The following CAMTA1 variants were observed in gnomAD, a reference collection of about 807,000 sequenced individuals.
CAMTA1 encodes the protein calmodulin-binding transcription activator 1.
CAMTA1 carries 27 observed loss-of-function variants against 170.9 expected under a neutral mutation model. The ratio of observed to expected loss-of-function variants is 0.16; its 90% CI spans 0.12 to 0.22. The LOEUF (loss-of-function observed/expected upper bound fraction) is 0.22, where lower values mean the gene tolerates loss of function less well. Among genes scored for constraint, CAMTA1 ranks in the 10% least tolerant of loss-of-function variants. The pLI, the probability that CAMTA1 is intolerant of heterozygous loss-of-function variation, is 1.00. For missense variants in CAMTA1, 1,619 were observed against 2,217.2 expected, an observed-to-expected ratio of 0.73 and a Z score of 5.42; for synonymous variants, 833 against 891.5, an observed-to-expected ratio of 0.93 and a Z score of 1.17.
chr1:6,828,673 GCAAGGTGGGTAA>G (rs1648305604), intron 3 of CAMTA1, among the ~76,000 whole-genome samples: 1 of 151,978 alleles, frequency 6.6e-6, no homozygotes, highest in African/African-American at 2.4e-5. Context: ...AAATAGTATT[GCAAGGTGGGTAA>G]CATTTCCTTT....
chr1:7,189,865 G>T (rs892678626), intron 4 of CAMTA1, among the ~76,000 whole-genome samples: 1 of 152,214 alleles, frequency 6.6e-6, no homozygotes, highest in Non-Finnish European at 1.5e-5. Flanking sequence ...AATGCAAAAA[G>T]GTGGAACCAA....
At chr1:7,756,951 A>G (rs769505229) in intron 22 of CAMTA1, among the ~76,000 whole-genome samples, 2 of 152,260 alleles carry the variant, frequency 1.3e-5, no homozygotes, top group Non-Finnish European at 2.9e-5. Flanking sequence ...TGTTTCTTAT[A>G]TATAATCTTA....
Position 7,664,152 on chromosome 1 carries a change from G to T in CAMTA1, c.1605G>T (p.Glu535Asp). ...TCCTCACCAAGGAGATCAAGACCGA[G>T]GACACCTCCTTCGAGCAGCAGATGG... Reference protein sequence around the residue: ...TTVLTKEIKTEDTSFEQQMAK... With the variant: ...TTVLTKEIKTDDTSFEQQMAK... The change falls in exon 9 of 23, where the codon GAG (glutamate) becomes GAT (aspartate). Residue 535 changes from glutamate to aspartate, a missense_variant. By Grantham distance (45) the Glu-to-Asp change is conservative (BLOSUM62 2). Coordinates refer to ENST00000303635, the MANE Select transcript of CAMTA1 (RefSeq NM_015215.4). 1.9e-6 allele frequency: 3 copies of T among 1,613,090 alleles called. No individual in the cohort carries two copies. Among genetic ancestry groups the T allele is most frequent in the Non-Finnish European group, 2.5e-6 (3 of 1,180,038 alleles).
At chr1:7,535,692 A>G (rs2094541238) in intron 6 of CAMTA1, among the ~76,000 whole-genome samples, 1 of 152,026 alleles carries the variant, frequency 6.6e-6, no homozygotes, top group Non-Finnish European at 1.5e-5. Flanking sequence ...CCTGAACCTC[A>G]CCTGGCAGGT....
chr1:6,836,288 G>A (rs1287442377), intron 3 of CAMTA1, among the ~76,000 whole-genome samples: 1 of 152,210 alleles, frequency 6.6e-6, no homozygotes, highest in African/African-American at 2.4e-5. Context: ...CTTTCTAGAT[G>A]GATGAGAAAC....
intron 4 of CAMTA1, among the ~76,000 whole-genome samples, chr1:7,221,093 C>A (rs967457898): frequency 5.3e-5 from 8 of 152,204 alleles, no homozygotes; most frequent in Non-Finnish European, 1.0e-4. Flanking sequence ...AATGGCCCGG[C>A]TTTCTCAGAA....
chr1:6,939,738 A>G (rs994655648), intron 3 of CAMTA1, among the ~76,000 whole-genome samples: 6 of 152,136 alleles, frequency 3.9e-5, no homozygotes, highest in African/African-American at 1.4e-4. Context: ...GCCCAAACCC[A>G]AGCAAACCCC....
rs1375881471 is a variant in CAMTA1, at chr1:7,230,449, C to T, written c.303-19042C>T. Among the ~76,000 whole-genome samples the T allele has an allele frequency of 8.0e-4, 92 of 115,682 alleles. 5 individuals carry two copies. Among genetic ancestry groups the T allele is most frequent in the Non-Finnish European group, 1.1e-4 (6 of 53,968 alleles). The allele number at this position is 115,682 out of a possible 152,430, so 75.9% of individuals were successfully genotyped here. On this transcript the variant is annotated intron_variant, in intron 4 of 22. Transcript: ENST00000303635. ...CTGGGCTGACCCCCCCCCCCCGCCC[C>T]GCAAAGCTCTGTGGAAAGCGCCTTA... is the stretch of plus-strand genomic sequence containing the variant.
intron 3 of CAMTA1, among the ~76,000 whole-genome samples, chr1:6,931,099 C>T (rs967949279): frequency 1.3e-5 from 2 of 152,174 alleles, no homozygotes; most frequent in African/African-American, 4.8e-5. Flanking sequence ...CAAAAAGAAA[C>T]CTCCGTTCAT....
intron 4 of CAMTA1, among the ~76,000 whole-genome samples, chr1:7,155,646 G>C (rs1468733539): frequency 6.6e-6 from 1 of 151,952 alleles, no homozygotes; most frequent in Admixed American, 6.6e-5. Flanking sequence ...GTTCAGGCTG[G>C]TCTTGAATTC....
chr1:7,049,328 G>A (rs760823510), intron 3 of CAMTA1, among the ~76,000 whole-genome samples: 2 of 150,116 alleles, frequency 1.3e-5, no homozygotes, highest in Non-Finnish European at 3.0e-5. Context: ...GGGGTGCAGG[G>A]CCTGCCAGCT....
chr1:7,389,509 A>G (rs1340098577), intron 5 of CAMTA1: 1 of 152,466 alleles, frequency 6.6e-6, no homozygotes, highest in Non-Finnish European at 1.5e-5. Context: ...GCACAGCCCC[A>G]TTGCAGCACC....
At chr1:7,438,484 C>T (rs1234541798) in intron 5 of CAMTA1, among the ~76,000 whole-genome samples, 1 of 152,156 alleles carries the variant, frequency 6.6e-6, no homozygotes, top group African/African-American at 2.4e-5. Context: ...CCCCAAGGGC[C>T]TGGGCTCAGC....
At chr1:6,990,390 T>G (rs576846847) in intron 3 of CAMTA1, among the ~76,000 whole-genome samples, 2 of 152,362 alleles carry the variant, frequency 1.3e-5, no homozygotes, top group South Asian at 4.1e-4. Context: ...CTATATTTGC[T>G]TTATCCCATA....
intron 4 of CAMTA1, among the ~76,000 whole-genome samples, chr1:7,125,370 C>G (rs769127862): frequency 6.6e-6 from 1 of 152,144 alleles, no homozygotes; most frequent in African/African-American, 2.4e-5. Context: ...AGATGCCATG[C>G]TGGGTGATGG....
At chr1:7,656,439 G>C (rs1037062893) in intron 7 of CAMTA1, among the ~76,000 whole-genome samples, 1 of 152,238 alleles carries the variant, frequency 6.6e-6, no homozygotes. Context: ...CTGGGATAGG[G>C]TCCCACCCAT....
intron 3 of CAMTA1, among the ~76,000 whole-genome samples, chr1:6,833,231 G>T (rs1467576777): frequency 6.6e-6 from 1 of 152,158 alleles, no homozygotes; most frequent in Non-Finnish European, 1.5e-5. Flanking sequence ...ATTCCTGTGG[G>T]TCTTCCTCAG....
chr1:7,629,474 C>T (rs1440896609), intron 6 of CAMTA1, among the ~76,000 whole-genome samples: 3 of 152,250 alleles, frequency 2.0e-5, no homozygotes, highest in South Asian at 2.1e-4. Flanking sequence ...GAGTCTCATA[C>T]GTTGACTGCC....
intron 6 of CAMTA1, among the ~76,000 whole-genome samples, chr1:7,629,407 T>G (rs1226088741): frequency 1.3e-5 from 2 of 151,830 alleles, no homozygotes; most frequent in East Asian, 3.8e-4. Context: ...GGAACTAATG[T>G]CACCCATTTT....
Sources: allele counts gnomAD v4.1 joint callset (sites outside exome capture counted in the v4.1 genomes callset), GRCh38; gene constraint gnomAD v4.1.1; transcripts MANE v1.5; gene names NCBI Gene and HGNC (gene_info 2026-07-23, HGNC 2026-07-21).